CNTN4: variants seen among roughly 807,000 people sequenced by gnomAD.
CNTN4 encodes contactin-4.
CNTN4 carries 77 observed loss-of-function variants against 122.5 expected under a neutral mutation model. The ratio of observed to expected loss-of-function variants is 0.63; its 90% CI spans 0.52 to 0.76. The LOEUF (loss-of-function observed/expected upper bound fraction) is 0.76, where lower values mean the gene tolerates loss of function less well. Among genes scored for constraint, CNTN4 ranks in the 30% least tolerant of loss-of-function variants. The pLI is 0.00. For missense variants in CNTN4, 1,256 were observed against 1,259.1 expected (o/e 1.00, Z 0.04); for synonymous variants, 512 against 447.0 (o/e 1.15, Z -1.83).
chr3:2,142,370 T>C (rs1480490740), intron 2 of CNTN4, among the ~76,000 whole-genome samples: 2 of 152,102 alleles, frequency 1.3e-5, no homozygotes, highest in African/African-American at 4.8e-5. Flanking sequence ...TTTTTTTCTT[T>C]CTTTTTTTTT....
At chr3:2,270,013 A>C (rs557088819) in intron 2 of CNTN4, among the ~76,000 whole-genome samples, 3 of 98,752 alleles carry the variant, frequency 3.0e-5, no homozygotes, top group African/African-American at 9.4e-5. Flanking sequence ...GCAGTGGCGC[A>C]ATCTCGGCTC....
intron 14 of CNTN4, among the ~76,000 whole-genome samples, chr3:3,018,344 C>T (rs1305265453): frequency 6.6e-6 from 1 of 152,162 alleles, no homozygotes; most frequent in Non-Finnish European, 1.5e-5. Flanking sequence ...TTTTAAATGG[C>T]ATATGCTCTA....
At chr3:2,169,936 A>G (rs2036395165) in intron 2 of CNTN4, among the ~76,000 whole-genome samples, 2 of 152,242 alleles carry the variant, frequency 1.3e-5, no homozygotes, top group South Asian at 4.1e-4. Flanking sequence ...ATAAATTTTT[A>G]CAATTAAAAG....
intron 4 of CNTN4, among the ~76,000 whole-genome samples, chr3:2,690,345 G>A (rs373689835): frequency 6.6e-6 from 1 of 152,058 alleles, no homozygotes; most frequent in African/African-American, 2.4e-5. Flanking sequence ...AAGTGTGTTC[G>A]TTTCTAAGAG....
intron 2 of CNTN4, among the ~76,000 whole-genome samples, chr3:2,166,203 G>A (rs992532840): frequency 6.6e-6 from 1 of 152,040 alleles, no homozygotes; most frequent in South Asian, 2.1e-4. Context: ...TAAGGGCTTC[G>A]TTTTCACCAC....
chr3:2,223,181 G>A (rs1233307198), intron 2 of CNTN4, among the ~76,000 whole-genome samples: 1 of 152,182 alleles, frequency 6.6e-6, no homozygotes, highest in Non-Finnish European at 1.5e-5. Context: ...TGGAGAGCCA[G>A]TAAGTAAAGG....
chr3:2,820,492 G>C lies in CNTN4; in HGVS notation c.454+911G>C, dbSNP rs138966741. ...TTTTTATGCAGGTTCCGTTGTGTAG[G>C]CATGATTGATCGAATCTATGGCCAT... On this transcript the variant is annotated intron_variant, in intron 7 of 24. Transcript: ENST00000418658. 4.6e-5 allele frequency among the ~76,000 whole-genome samples: 7 copies of C among 152,178 alleles called. 1 individual carries two copies. The highest frequency in any genetic ancestry group is 4.2e-4 in the South Asian group (2 of 4,816).
rs189979456 is a variant in CNTN4 at position 2,621,857 on chromosome 3, A to G, written c.55+50299A>G. Among the ~76,000 whole-genome samples, 5 of 152,192 alleles carry G rather than the reference A, an allele frequency of 3.3e-5. No individual in the cohort carries two copies. In the East Asian group the frequency reaches 9.7e-4, roughly 30 times the overall value. On this transcript the variant is annotated intron_variant, in intron 4 of 24. Transcript: ENST00000418658. ...AAGAGAATGATCCTCATTCTGATTT[A>G]GCTTCTCAGAAGATTGATGTTCTCT...
intron 3 of CNTN4, among the ~76,000 whole-genome samples, chr3:2,505,046 C>G (rs2076696928): frequency 6.6e-6 from 1 of 152,088 alleles, no homozygotes; most frequent in Admixed American, 6.6e-5. Flanking sequence ...TGAGTATAGA[C>G]CATGTGGTAA....
At chr3:2,650,197 A>G (rs188063244) in intron 4 of CNTN4, among the ~76,000 whole-genome samples, 74 of 151,946 alleles carry the variant, frequency 4.9e-4, no homozygotes, top group African/African-American at 1.7e-3. Context: ...CTCACGGATG[A>G]CTTTGAGGGG....
intron 2 of CNTN4, among the ~76,000 whole-genome samples, chr3:2,143,462 C>T (rs2035098533): frequency 6.6e-6 from 1 of 152,074 alleles, no homozygotes; most frequent in African/African-American, 2.4e-5. Context: ...TAATTAATCA[C>T]ATTATTATTC....
intron 4 of CNTN4, among the ~76,000 whole-genome samples, chr3:2,602,747 A>T (rs1335254653): frequency 2.6e-5 from 4 of 152,196 alleles, no homozygotes; most frequent in African/African-American, 9.6e-5. Flanking sequence ...GCTTCAGTTC[A>T]CCCAAGGATT....
At chr3:2,874,483 C>T (rs1178227913) in intron 8 of CNTN4, among the ~76,000 whole-genome samples, 2 of 152,096 alleles carry the variant, frequency 1.3e-5, no homozygotes, top group Admixed American at 1.3e-4. Flanking sequence ...TGCATTTAAC[C>T]AACGAATACT....
At chr3:3,004,301 C>T (rs541628007) in intron 14 of CNTN4, among the ~76,000 whole-genome samples, 93 of 152,248 alleles carry the variant, frequency 6.1e-4, no homozygotes, top group African/African-American at 2.1e-3. Context: ...TGGTGTTTTT[C>T]CTGATCCAGC....
chr3:2,254,277 A>T (rs1306152869), intron 2 of CNTN4, among the ~76,000 whole-genome samples: 1 of 151,926 alleles, frequency 6.6e-6, no homozygotes. Context: ...CATATTCTTT[A>T]TCCAGTCTGT....
intron 2 of CNTN4, among the ~76,000 whole-genome samples, chr3:2,192,494 T>C (rs1024637341): frequency 8.5e-5 from 13 of 152,078 alleles, no homozygotes; most frequent in Admixed American, 3.3e-4. Flanking sequence ...TCAGAGTGAA[T>C]AGGCAACCTG....
chr3:2,477,432 A>G (rs887780149), intron 3 of CNTN4, among the ~76,000 whole-genome samples: 1 of 152,192 alleles, frequency 6.6e-6, no homozygotes, highest in African/African-American at 2.4e-5. Flanking sequence ...TGCTTTATAT[A>G]CATTATCTCA....
chr3:2,575,851 T>C (rs1559257613), intron 4 of CNTN4, among the ~76,000 whole-genome samples: 1 of 141,352 alleles, frequency 7.1e-6, no homozygotes, highest in Non-Finnish European at 1.5e-5. Flanking sequence ...AGAGAGAGTC[T>C]GGCTCTGCTG....
At chr3:2,475,631 T>C (rs1307943459) in intron 3 of CNTN4, among the ~76,000 whole-genome samples, 2 of 152,224 alleles carry the variant, frequency 1.3e-5, no homozygotes, top group Admixed American at 1.3e-4. Flanking sequence ...TTATTGATGC[T>C]TATTTTTGTT....
Sources: gnomAD v4.1 joint callset for allele counts (sites outside exome capture counted in the v4.1 genomes callset) on GRCh38, gnomAD v4.1.1 for gene constraint, MANE v1.5 for transcripts, NCBI Gene and HGNC (gene_info 2026-07-23, HGNC 2026-07-21) for gene names.